Variants in CNTN4 observed in about 807,000 individuals in gnomAD.
CNTN4 encodes contactin-4.
Under a neutral mutation model 122.5 loss-of-function variants are expected in CNTN4, and 77 were observed. The observed-to-expected ratio is 0.63, with a 90% confidence interval of 0.52 to 0.76. The LOEUF is 0.76. CNTN4 is among the 30% of genes least tolerant of loss of function. The pLI is 0.00. For synonymous variants in CNTN4, 512 were observed against 447.0 expected (o/e 1.15, Z -1.83); for missense variants, 1,256 against 1,259.1 (o/e 1.00, Z 0.04).
chr3:2,456,185 A>G (rs1166711803), intron 3 of CNTN4, among the ~76,000 whole-genome samples: 1 of 151,976 alleles, frequency 6.6e-6, no homozygotes, highest in Non-Finnish European at 1.5e-5. Context: ...TTTACCATAC[A>G]AACTTGCCTG....
At chr3:2,125,330 C>CTCTGTGTGTGTGTG (rs138301374) in intron 2 of CNTN4, among the ~76,000 whole-genome samples, 15 of 143,364 alleles carry the variant, frequency 1.0e-4, no homozygotes, top group African/African-American at 3.6e-4. Context: ...ATTCTATTCT[C>CTCTGTGTGTGTGTG]TGTGTGTGTG....
chr3:2,316,067 T>C (rs889873652), intron 2 of CNTN4, among the ~76,000 whole-genome samples: 1 of 152,084 alleles, frequency 6.6e-6, no homozygotes, highest in Admixed American at 6.6e-5. Context: ...AAATGTCTCA[T>C]CCTTGTGTTT....
chr3:2,613,912 C>G (rs551458438), intron 4 of CNTN4, among the ~76,000 whole-genome samples: 2 of 152,052 alleles, frequency 1.3e-5, no homozygotes, highest in African/African-American at 4.8e-5. Context: ...CATTCAGATA[C>G]TCAGTCCACA....
intron 2 of CNTN4, among the ~76,000 whole-genome samples, chr3:2,105,063 C>T (rs1186281674): frequency 6.6e-6 from 1 of 152,100 alleles, no homozygotes; most frequent in East Asian, 1.9e-4. Flanking sequence ...GGCATGGACC[C>T]AGTGAGAACC....
At chr3:2,504,435 A>C (rs2076679478) in intron 3 of CNTN4, among the ~76,000 whole-genome samples, 1 of 152,156 alleles carries the variant, frequency 6.6e-6, no homozygotes, top group South Asian at 2.1e-4. Context: ...TGTTGCCACC[A>C]CTTCTCATTT....
chr3:2,634,383 C>G (rs1343389187), intron 4 of CNTN4, among the ~76,000 whole-genome samples: 2 of 152,018 alleles, frequency 1.3e-5, no homozygotes, highest in East Asian at 1.9e-4. Context: ...AATAAGTATT[C>G]CTTCCTAAAA....
In CNTN4 at chr3:2,492,019, C is replaced by T. The variant is rs547575310; in HGVS notation, c.-88-79397C>T. 4.9e-4 allele frequency among the ~76,000 whole-genome samples: 74 copies of T among 152,034 alleles called. 1 individual carries two copies. The South Asian group carries it at 5.2e-3, about 11-fold the overall frequency. ...GAATCAGAAAATGAGGGAATTTAGA[C>T]TATATCACATTGTTTTGATTTTGAT... On this transcript the variant is annotated intron_variant, in intron 3 of 24. Transcript: ENST00000418658.
intron 3 of CNTN4, among the ~76,000 whole-genome samples, chr3:2,389,763 G>A (rs1186575378): frequency 6.6e-6 from 1 of 152,144 alleles, no homozygotes; most frequent in Non-Finnish European, 1.5e-5. Flanking sequence ...AGTGATCAAA[G>A]GTAGCATGAC....
rs79694029 is a variant in CNTN4 at position 2,333,961 on chromosome 3, C to A, written c.-144-5217C>A. Among the ~76,000 whole-genome samples, 204 of 152,122 alleles carry A rather than the reference C, an allele frequency of 1.3e-3. 1 individual carries two copies. Among genetic ancestry groups the A allele is most frequent in the Non-Finnish European group, 2.4e-3 (161 of 68,000 alleles). On this transcript the variant is annotated intron_variant, in intron 2 of 24. Coordinates refer to ENST00000418658, the MANE Select transcript of CNTN4 (RefSeq NM_175607.3). ...CCTGCTGATTCTGTGATGGAAAATG[C>A]CATCAATAAGTTAAGCAAAACAGGA...
At chr3:3,037,659 A>T (rs1574891809) in intron 18 of CNTN4, 1 of 371,204 alleles carries the variant, frequency 2.7e-6, no homozygotes, top group African/African-American at 2.1e-5. Context: ...ATTTCAAATA[A>T]AATTATCTCA....
chr3:2,719,856 T>C (rs1248251895), intron 4 of CNTN4, among the ~76,000 whole-genome samples: 1 of 152,172 alleles, frequency 6.6e-6, no homozygotes, highest in Non-Finnish European at 1.5e-5. Flanking sequence ...TTATAAACAA[T>C]AGTTGACAAG....
At chr3:2,541,844 C>A (rs1293180386) in intron 3 of CNTN4, among the ~76,000 whole-genome samples, 1 of 152,018 alleles carries the variant, frequency 6.6e-6, no homozygotes, top group Non-Finnish European at 1.5e-5. Context: ...GTGGAGATGC[C>A]ATCTTGACTG....
intron 2 of CNTN4, among the ~76,000 whole-genome samples, chr3:2,102,108 AG>A (rs1439024951): frequency 6.6e-6 from 1 of 152,254 alleles, no homozygotes; most frequent in East Asian, 1.9e-4. Context: ...GTAGACATAC[AG>A]GTGAATTTTA....
chr3:2,595,000 T>C (rs1306263629), intron 4 of CNTN4, among the ~76,000 whole-genome samples: 1 of 152,210 alleles, frequency 6.6e-6, no homozygotes, highest in Non-Finnish European at 1.5e-5. Flanking sequence ...CCCAATTCCA[T>C]CTCACATTGG....
chr3:2,335,309 T>C (rs1259986524), intron 2 of CNTN4, among the ~76,000 whole-genome samples: 2 of 79,644 alleles, frequency 2.5e-5, no homozygotes, highest in Non-Finnish European at 5.6e-5. Context: ...ATTAAAAAAA[T>C]GATTATAATG....
intron 2 of CNTN4, among the ~76,000 whole-genome samples, chr3:2,156,448 G>C (rs1427179095): frequency 6.6e-6 from 1 of 152,230 alleles, no homozygotes; most frequent in African/African-American, 2.4e-5. Flanking sequence ...CCGTGTGGCA[G>C]CAGTAAGCAA....
intron 3 of CNTN4, among the ~76,000 whole-genome samples, chr3:2,483,886 T>C (rs776777797): frequency 2.4e-4 from 36 of 152,196 alleles, no homozygotes; most frequent in Non-Finnish European, 4.1e-4. Context: ...TCTAGATGAC[T>C]TTGGATTTGG....
chr3:2,539,230 A>C (rs1342243808), intron 3 of CNTN4, among the ~76,000 whole-genome samples: 1 of 152,102 alleles, frequency 6.6e-6, no homozygotes, highest in Non-Finnish European at 1.5e-5. Flanking sequence ...CAGTATACAA[A>C]ACAGTAATGT....
intron 6 of CNTN4, among the ~76,000 whole-genome samples, chr3:2,757,811 AC>A (rs1338906385): frequency 6.6e-6 from 1 of 152,186 alleles, no homozygotes. Flanking sequence ...TTTCCCAAGA[AC>A]TAAATTATTC....
Sources: gnomAD v4.1 joint callset for allele counts (sites outside exome capture counted in the v4.1 genomes callset) on GRCh38, gnomAD v4.1.1 for gene constraint, MANE v1.5 for transcripts, NCBI Gene and HGNC (gene_info 2026-07-23, HGNC 2026-07-21) for gene names.